The following KHDRBS2 variants were observed in gnomAD, a reference collection of about 807,000 sequenced individuals.
KHDRBS2 encodes the protein KH domain-containing, RNA-binding, signal transduction-associated protein 2.
A neutral mutation model predicts 44.3 loss-of-function variants in KHDRBS2; 26 were observed. The ratio of observed to expected loss-of-function variants is 0.59; its 90% confidence interval spans 0.43 to 0.81. The LOEUF (loss-of-function observed/expected upper bound fraction) is 0.81. Among genes scored for constraint, KHDRBS2 ranks in the 40% least tolerant of loss-of-function variants. KHDRBS2 has a pLI of 0.00. For synonymous variants in KHDRBS2, 194 were observed against 151.1 expected (o/e 1.28, Z -2.08); for missense variants, 476 against 433.1 (o/e 1.10, Z -0.88).
At chr6:62,092,709 T>C (rs1246820358) in intron 2 of KHDRBS2, among the ~76,000 whole-genome samples, 1 of 152,190 alleles carries the variant, frequency 6.6e-6, no homozygotes, top group African/African-American at 2.4e-5. Flanking sequence ...TTCTGTGACT[T>C]TAATTTACAG....
intron 3 of KHDRBS2, among the ~76,000 whole-genome samples, chr6:61,996,884 G>A (rs931818819): frequency 2.8e-4 from 40 of 143,980 alleles, no homozygotes; most frequent in Admixed American, 1.3e-3. Context: ...CCGAGTTTAA[G>A]CAATTCTCCT....
chr6:62,186,690 A>G (rs1219563368), intron 1 of KHDRBS2, among the ~76,000 whole-genome samples: 1 of 151,966 alleles, frequency 6.6e-6, no homozygotes, highest in African/African-American at 2.4e-5. Flanking sequence ...AAATGTTGGA[A>G]TCTTTTGGAT....
the KHDRBS2 span, among the ~76,000 whole-genome samples, chr6:61,662,017 C>T: frequency 1.3e-5 from 2 of 152,048 alleles, no homozygotes; most frequent in South Asian, 2.1e-4. Flanking sequence ...GCTACAGTAA[C>T]CAAAACAGCA....
intron 3 of KHDRBS2, among the ~76,000 whole-genome samples, chr6:61,980,341 A>G (rs1346568784): frequency 6.6e-6 from 1 of 152,186 alleles, no homozygotes; most frequent in Non-Finnish European, 1.5e-5. Context: ...GTTCTACTCC[A>G]GGTGCTGGTA....
the KHDRBS2 span, among the ~76,000 whole-genome samples, chr6:61,592,359 T>C: frequency 1.3e-5 from 2 of 152,114 alleles, no homozygotes; most frequent in African/African-American, 4.8e-5. Flanking sequence ...GCCTGAACCA[T>C]GGCAAAACAG....
chr6:61,737,728 T>G (rs1017438136), intron 6 of KHDRBS2, among the ~76,000 whole-genome samples: 18 of 152,018 alleles, frequency 1.2e-4, no homozygotes, highest in African/African-American at 4.3e-4. Context: ...TCCGGCTTTA[T>G]TCTGTCTGCA....
At chr6:62,075,691 A>T (rs960755481) in intron 2 of KHDRBS2, among the ~76,000 whole-genome samples, 2 of 151,876 alleles carry the variant, frequency 1.3e-5, no homozygotes, top group Admixed American at 1.3e-4. Flanking sequence ...TTGATAGATG[A>T]GTAACTCTAT....
At chr6:62,169,266 C>T (rs1390176266) in intron 2 of KHDRBS2, among the ~76,000 whole-genome samples, 3 of 149,910 alleles carry the variant, frequency 2.0e-5, no homozygotes, top group African/African-American at 7.4e-5. Context: ...TTTAACTGCT[C>T]CTTGCAAAGC....
intron 6 of KHDRBS2, among the ~76,000 whole-genome samples, chr6:61,872,670 T>C (rs540254246): frequency 6.6e-6 from 1 of 152,232 alleles, no homozygotes; most frequent in South Asian, 2.1e-4. Context: ...CATAAAGACG[T>C]TAATTCTTTC....
chr6:61,620,032 C>T, the KHDRBS2 span, among the ~76,000 whole-genome samples: 1 of 152,084 alleles, frequency 6.6e-6, no homozygotes, highest in Non-Finnish European at 1.5e-5. Flanking sequence ...TTATGGATCA[C>T]TTAGAAAAAT....
intron 1 of KHDRBS2, among the ~76,000 whole-genome samples, chr6:62,240,087 T>C (rs185173052): frequency 8.5e-5 from 13 of 152,296 alleles, no homozygotes; most frequent in Admixed American, 3.9e-4. Flanking sequence ...CACACACCAG[T>C]TGCTCCTATT....
At chr6:61,595,784 A>C in the KHDRBS2 span, among the ~76,000 whole-genome samples, 17 of 150,884 alleles carry the variant, frequency 1.1e-4, no homozygotes, top group African/African-American at 4.2e-4. Flanking sequence ...AAAGTATATA[A>C]ACAAACATAT....
chr6:61,726,506 T>C, intron 7 of KHDRBS2, among the ~76,000 whole-genome samples: 1 of 152,132 alleles, frequency 6.6e-6, no homozygotes, highest in East Asian at 1.9e-4. Context: ...GATGACATAA[T>C]CCTATATCCA....
intron 6 of KHDRBS2, among the ~76,000 whole-genome samples, chr6:61,855,765 G>A (rs1018650218): frequency 9.9e-5 from 15 of 152,020 alleles, no homozygotes; most frequent in Middle Eastern, 3.2e-3. Flanking sequence ...AAATGTCCCA[G>A]TGTCTCTTTC....
chr6:61,858,558 G>T (rs1470278898), intron 6 of KHDRBS2, among the ~76,000 whole-genome samples: 1 of 151,820 alleles, frequency 6.6e-6, no homozygotes, highest in Admixed American at 6.6e-5. Flanking sequence ...TGCAATATAA[G>T]ATCATCTCTT....
intron 6 of KHDRBS2, among the ~76,000 whole-genome samples, chr6:61,769,261 A>G (rs1224382214): frequency 2.0e-5 from 3 of 152,150 alleles, no homozygotes; most frequent in Non-Finnish European, 4.4e-5. Flanking sequence ...TGATTTCGGC[A>G]TTTCCAACTG....
In KHDRBS2 at chr6:61,892,535, T is replaced by C. The variant is rs1481799499; in HGVS notation, c.810+2100A>G. Reference sequence around the variant, plus strand: ...GGCTACAGTAACCAAAACAGCATGGTACTGGTACCAAAACAGAGATACAGA... The same window carrying C: ...GGCTACAGTAACCAAAACAGCATGGCACTGGTACCAAAACAGAGATACAGA... On this transcript the variant is annotated intron_variant, in intron 6 of 8. Coordinates refer to ENST00000281156, the MANE Select transcript of KHDRBS2 (RefSeq NM_152688.4). Among the ~76,000 whole-genome samples, 3 of 152,326 alleles carry C rather than the reference T, an allele frequency of 2.0e-5. No homozygotes were observed. The East Asian group carries it at 5.8e-4, about 29-fold the overall frequency.
intron 6 of KHDRBS2, among the ~76,000 whole-genome samples, chr6:61,794,477 A>G (rs1715890025): frequency 6.6e-6 from 1 of 152,228 alleles, no homozygotes; most frequent in Non-Finnish European, 1.5e-5. Context: ...TTAGTGGTGG[A>G]CAATTTTTAC....
chr6:61,843,362 A>G (rs747669297), intron 6 of KHDRBS2, among the ~76,000 whole-genome samples: 1 of 148,370 alleles, frequency 6.7e-6, no homozygotes, highest in African/African-American at 2.5e-5. Context: ...TATTATTATT[A>G]TTATTATTAT....
Sources: gnomAD v4.1 joint callset for allele counts (sites outside exome capture counted in the v4.1 genomes callset) on GRCh38, gnomAD v4.1.1 for gene constraint, MANE v1.5 for transcripts, NCBI Gene and HGNC (gene_info 2026-07-23, HGNC 2026-07-21) for gene names.